FNDC1: variants seen among roughly 807,000 people sequenced by gnomAD.
FNDC1 encodes fibronectin type III domain containing 1.
FNDC1 carries 96 observed loss-of-function variants against 168.0 expected under a neutral mutation model. The observed-to-expected ratio is 0.57, with a 90% confidence interval of 0.48 to 0.68. The LOEUF is 0.68. FNDC1 is among the 30% of genes least tolerant of loss of function. The pLI is 0.00. For missense variants in FNDC1, 2,587 were observed against 2,482.1 expected (o/e 1.04, Z -0.90); for synonymous variants, 1,099 against 1,025.9 (o/e 1.07, Z -1.36).
chr6:159,209,004 C>T (rs1009438074), intron 4 of FNDC1, among the ~76,000 whole-genome samples: 3 of 152,016 alleles, frequency 2.0e-5, no homozygotes, highest in African/African-American at 7.2e-5. Context: ...CATGCCACCA[C>T]GCCCAGCTAA....
intron 9 of FNDC1, among the ~76,000 whole-genome samples, chr6:159,228,658 T>C (rs796165071): frequency 2.6e-5 from 4 of 152,276 alleles, no homozygotes; most frequent in African/African-American, 9.6e-5. Context: ...TTTTTCTTTG[T>C]TCCTACTCAT....
In FNDC1 at chr6:159,169,929, C is replaced by A; in HGVS notation, c.109+224C>A. The A allele has an allele frequency of 4.5e-6, 1 of 221,534 alleles. No homozygotes were observed. The highest frequency in any genetic ancestry group is 8.7e-6 in the Non-Finnish European group (1 of 114,858). The allele number at this position is 221,534 out of a possible 1,614,324, so 13.7% of individuals were successfully genotyped here. On this transcript the variant is annotated intron_variant, in intron 1 of 22. Coordinates refer to ENST00000297267, the MANE Select transcript of FNDC1 (RefSeq NM_032532.3). The surrounding 1 kb of genome is among the most constrained non-coding windows in gnomAD (Gnocchi z 6.8). Reference sequence around the variant, plus strand: ...GCTGGCGTTTAACTTTGCCGTCGCCCGCCTTGGAGTCGGGAGGCTCCAGCC... The same window carrying A: ...GCTGGCGTTTAACTTTGCCGTCGCCAGCCTTGGAGTCGGGAGGCTCCAGCC...
rs377065678 is a variant in FNDC1 at position 159,271,320 on chromosome 6, C to G, written c.5570-7C>G. ...GACGCTTTTCCCCTCTCCTGTTGCC[C>G]TTCCAGGCTACTATCGCCAGTATCG... On this transcript the variant is annotated splice_region_variant and splice_polypyrimidine_tract_variant and intron_variant, in intron 22 of 22. Transcript: ENST00000297267. 17 of 1,593,710 alleles carry G rather than the reference C, an allele frequency of 1.1e-5. No individual in the cohort carries two copies. Among genetic ancestry groups the G allele is most frequent in the Admixed American group, 1.7e-5 (1 of 57,418 alleles).
chr6:159,210,797 C>T (rs1782586307), intron 4 of FNDC1, among the ~76,000 whole-genome samples: 1 of 152,212 alleles, frequency 6.6e-6, no homozygotes, highest in Non-Finnish European at 1.5e-5. Context: ...AGCTGATGTC[C>T]TGCCCCCATC....
In FNDC1 at chr6:159,233,117, C is replaced by G. The variant is rs1453882422; in HGVS notation, c.2605C>G (p.Pro869Ala). The G allele has an allele frequency of 6.2e-7, 1 of 1,603,440 alleles. No individual in the cohort carries two copies. Among genetic ancestry groups the G allele is most frequent in the Non-Finnish European group, 8.5e-7 (1 of 1,175,346 alleles). The change falls in exon 11 of 23, where the codon CCT (proline) becomes GCT (alanine). Residue 869 changes from proline to alanine, a missense_variant. By Grantham distance (27) the Pro-to-Ala change is conservative. Coordinates refer to ENST00000297267, the MANE Select transcript of FNDC1 (RefSeq NM_032532.3). The surrounding 1 kb of genome is among the most constrained non-coding windows in gnomAD (Gnocchi z 4.6). ...GGTTCCCTCTCACTCTGATTCCCAC[C>G]CTAAGCTTAGCTCAGGTATCCATGG... ...PRVPSHSDSH[P>A]KLSSGIHGDE...
At chr6:159,197,679 C>A in intron 2 of FNDC1, 54 bp downstream of exon 2, 1 of 1,485,254 alleles carries the variant, frequency 6.7e-7, no homozygotes, top group African/African-American at 1.4e-5. Flanking sequence ...CACCAACATT[C>A]TCAGTTGCAT....
chr6:159,236,298 C>T lies in FNDC1; in HGVS notation c.4051C>T (p.Pro1351Ser), dbSNP rs1268686371. 5.6e-6 allele frequency: 9 copies of T among 1,613,030 alleles called. No homozygotes were observed. Among genetic ancestry groups the T allele is most frequent in the South Asian group, 1.1e-5 (1 of 90,894 alleles). ...KPNGQRIING[P>S]QGTKWVVDLD... Reference sequence around the variant, plus strand: ...GAATGGACAGAGAATTATCAATGGCCCTCAAGGAACAAAGTGGGTAGGGTA... The same window carrying T: ...GAATGGACAGAGAATTATCAATGGCTCTCAAGGAACAAAGTGGGTAGGGTA... Residue 1351 changes from proline to serine, a missense_variant, in exon 12 of 23, where the codon CCT becomes TCT. Coordinates refer to ENST00000297267, the MANE Select transcript of FNDC1 (RefSeq NM_032532.3).
intron 1 of FNDC1, among the ~76,000 whole-genome samples, chr6:159,185,227 T>C (rs1781970965): frequency 6.6e-6 from 1 of 152,216 alleles, no homozygotes; most frequent in Non-Finnish European, 1.5e-5. Flanking sequence ...CATCACTCTC[T>C]GGGCAGATGT....
chr6:159,228,757 C>T (rs533216215), intron 9 of FNDC1, among the ~76,000 whole-genome samples: 1 of 152,230 alleles, frequency 6.6e-6, no homozygotes, highest in African/African-American at 2.4e-5. Context: ...CTCACTGCAA[C>T]CTCTGCCTCC....
chr6:159,232,673 C>T lies in FNDC1; in HGVS notation c.2161C>T (p.Pro721Ser), dbSNP rs1454256279. 3.7e-6 allele frequency: 6 copies of T among 1,613,658 alleles called. No individual in the cohort carries two copies. In the African/African-American group the frequency reaches 5.3e-5, roughly 14 times the overall value. The change falls in exon 11 of 23, where the codon CCA becomes TCA. Residue 721 changes from proline to serine, a missense_variant. By Grantham distance (74) the Pro-to-Ser change is moderately conservative. Transcript: ENST00000297267. This position sits in a 1 kb window ranked among gnomAD's most constrained non-coding sequence, Gnocchi z 4.9. ...CTCAGCCCCACCCTCAAGACTTTCTCCACCCCATGGGGGATCATCTCGGCT... is the reference window on the plus strand; with the variant it reads ...CTCAGCCCCACCCTCAAGACTTTCTTCACCCCATGGGGGATCATCTCGGCT... ...SASAPPSRLS[P>S]PHGGSSRLLP...
chr6:159,210,333 C>T lies in FNDC1; in HGVS notation c.461-4612C>T, dbSNP rs538104999. On this transcript the variant is annotated intron_variant, in intron 4 of 22. Transcript: ENST00000297267. The stretch of plus-strand genomic sequence containing the variant: ...ACAGATGGGGTGCGAATTCTGGCTT[C>T]GGCTTCCTGCTGTCTGGTTTTGAGA... 2.3e-4 allele frequency among the ~76,000 whole-genome samples: 35 copies of T among 152,302 alleles called. No homozygotes were observed. In the South Asian group the frequency reaches 7.1e-3, roughly 31 times the overall value.
Position 159,239,599 on chromosome 6 carries a change from C to T in FNDC1, c.4263C>T (p.Ala1421=). The change falls in exon 14 of 23, where the codon GCC becomes GCT. Residue 1421 remains alanine (A), a synonymous_variant. Coordinates refer to ENST00000297267, the MANE Select transcript of FNDC1 (RefSeq NM_032532.3). The part of the protein sequence containing the change: ...QGRHGTPLAN[A]QDKPILSLGG... ...GACATGGCACACCTCTGGCCAATGC[C>T]CAAGATAAGCCAATTTTGAGTCTTG... is the stretch of plus-strand genomic sequence containing the variant. 2 of 1,583,220 alleles carry T rather than the reference C, an allele frequency of 1.3e-6. No individual in the cohort carries two copies. Among genetic ancestry groups the T allele is most frequent in the Non-Finnish European group, 1.7e-6 (2 of 1,163,712 alleles).
At chr6:159,227,706 C>T (rs556407421) in intron 9 of FNDC1, among the ~76,000 whole-genome samples, 46 of 147,406 alleles carry the variant, frequency 3.1e-4, no homozygotes, top group African/African-American at 1.1e-3. Context: ...TTAATTTGGT[C>T]CCTTTAAATC....
intron 19 of FNDC1, among the ~76,000 whole-genome samples, chr6:159,264,318 G>T (rs377316832): frequency 2.6e-5 from 4 of 152,164 alleles, no homozygotes; most frequent in Non-Finnish European, 5.9e-5. Flanking sequence ...CTAGATTTGG[G>T]TATCAGTAGA....
intron 19 of FNDC1, among the ~76,000 whole-genome samples, chr6:159,262,672 C>T (rs867133459): frequency 3.2e-4 from 49 of 152,302 alleles, no homozygotes; most frequent in Middle Eastern, 3.4e-3. Context: ...GTGATATACA[C>T]GTAACTTCTG....
rs763437608 is a variant in FNDC1, at chr6:159,249,185, A to C, written c.4834+3A>C. On this transcript the variant is annotated splice_donor_region_variant and intron_variant, in intron 16 of 22. Transcript: ENST00000297267. ...GGCTGGAAGGAAACGATTTGTTGGT[A>C]AATATAATGTCCTTAATCAGAGAAA... 6.2e-7 allele frequency: 1 copy of C among 1,608,088 alleles called. No homozygotes were observed. Among genetic ancestry groups the C allele is most frequent in the East Asian group, 2.2e-5 (1 of 44,820 alleles).
At chr6:159,207,584 A>G (rs1391515228) in intron 4 of FNDC1, among the ~76,000 whole-genome samples, 1 of 152,084 alleles carries the variant, frequency 6.6e-6, no homozygotes, top group Non-Finnish European at 1.5e-5. Flanking sequence ...CTTTTGTGGG[A>G]CCCTTGCAAA....
chr6:159,244,659 T>A (rs534404259), intron 14 of FNDC1, among the ~76,000 whole-genome samples: 2 of 152,358 alleles, frequency 1.3e-5, no homozygotes, highest in East Asian at 3.9e-4. Context: ...CACTGTGGAA[T>A]GGTGATTTTA....
chr6:159,192,444 C>A (rs769569062), intron 1 of FNDC1, among the ~76,000 whole-genome samples: 1 of 152,158 alleles, frequency 6.6e-6, no homozygotes, highest in Non-Finnish European at 1.5e-5. Context: ...GATTCTGAAC[C>A]TTCCTTCTCT....
Sources: gnomAD v4.1 joint callset for allele counts (sites outside exome capture counted in the v4.1 genomes callset) on GRCh38, gnomAD v4.1.1 for gene constraint, Gnocchi (gnomAD v3.1) non-coding constraint, MANE v1.5 for transcripts, NCBI Gene and HGNC (gene_info 2026-07-23, HGNC 2026-07-21) for gene names.